The following MOSMO variants were observed in gnomAD, a reference collection of about 807,000 sequenced individuals.
MOSMO encodes modulator of smoothened, also known as modulator of smoothened protein.
A neutral mutation model predicts 18.4 loss-of-function variants in MOSMO; 5 were observed. The ratio of observed to expected loss-of-function variants is 0.27; its 90% CI spans 0.14 to 0.57. The LOEUF (loss-of-function observed/expected upper bound fraction) is 0.57, where lower values mean the gene tolerates loss of function less well. MOSMO is among the 20% of genes least tolerant of loss of function. MOSMO has a pLI of 0.92. For missense variants in MOSMO, 138 were observed against 211.8 expected (o/e 0.65, Z 2.16); for synonymous variants, 82 against 82.3 (o/e 1.00, Z 0.02).
At chr16:22,073,849 A>G (rs536403001) in intron 1 of MOSMO, among the ~76,000 whole-genome samples, 10 of 152,110 alleles carry the variant, frequency 6.6e-5, no homozygotes, top group African/African-American at 1.9e-4. Context: ...TGATAACCCC[A>G]TAAGTATAAT....
chr16:22,030,904 G>C (rs566168049), intron 1 of MOSMO, among the ~76,000 whole-genome samples: 1 of 152,240 alleles, frequency 6.6e-6, no homozygotes, highest in African/African-American at 2.4e-5. Flanking sequence ...TTTATGATTA[G>C]TTTATCCCAT....
At chr16:22,036,721 G>C (rs1405545280) in intron 1 of MOSMO, among the ~76,000 whole-genome samples, 1 of 152,120 alleles carries the variant, frequency 6.6e-6, no homozygotes, top group Non-Finnish European at 1.5e-5. Context: ...CAAAGCACTG[G>C]AATTACAGGT....
At chr16:22,074,202 A>G (rs749741613) in intron 1 of MOSMO, among the ~76,000 whole-genome samples, 5 of 152,068 alleles carry the variant, frequency 3.3e-5, no homozygotes, top group Non-Finnish European at 7.4e-5. Context: ...AGTTCCCTTC[A>G]CAGAAGACAT....
At chr16:22,049,816 T>G (rs1034399245) in intron 1 of MOSMO, among the ~76,000 whole-genome samples, 6 of 152,212 alleles carry the variant, frequency 3.9e-5, no homozygotes, top group Non-Finnish European at 8.8e-5. Flanking sequence ...TTATAAATGT[T>G]AAGCCAGTTA....
chr16:22,038,832 G>C (rs985813438), intron 1 of MOSMO, among the ~76,000 whole-genome samples: 7 of 152,190 alleles, frequency 4.6e-5, no homozygotes, highest in African/African-American at 1.7e-4. Context: ...TTATCCAGCA[G>C]AGTTTAGTAG....
At chr16:22,029,775 A>T (rs1899956472) in intron 1 of MOSMO, among the ~76,000 whole-genome samples, 1 of 152,088 alleles carries the variant, frequency 6.6e-6, no homozygotes, top group Non-Finnish European at 1.5e-5. Flanking sequence ...ACAGGCATGG[A>T]CACTACCATG....
At chr16:22,062,448 G>A (rs931367088) in intron 1 of MOSMO, among the ~76,000 whole-genome samples, 1 of 151,980 alleles carries the variant, frequency 6.6e-6, no homozygotes, top group African/African-American at 2.4e-5. Context: ...TCAGCCTCTT[G>A]AGTAGCTTGA....
At chr16:22,036,222 G>A (rs1900106158) in intron 1 of MOSMO, among the ~76,000 whole-genome samples, 1 of 152,052 alleles carries the variant, frequency 6.6e-6, no homozygotes, top group Admixed American at 6.5e-5. Flanking sequence ...GACATCCTGG[G>A]CCAAGTGATC....
intron 1 of MOSMO, among the ~76,000 whole-genome samples, chr16:22,057,818 C>G (rs139183929): frequency 6.6e-6 from 1 of 152,038 alleles, no homozygotes; most frequent in Non-Finnish European, 1.5e-5. Context: ...GACATGTAAA[C>G]TGGAAATGAA....
chr16:22,016,851 G>A (rs1051847514), intron 1 of MOSMO, among the ~76,000 whole-genome samples: 1 of 152,074 alleles, frequency 6.6e-6, no homozygotes, highest in African/African-American at 2.4e-5. Flanking sequence ...TCTCCTGTGG[G>A]TTAAAGAATA....
chr16:22,015,206 CT>C (rs1899612962), intron 1 of MOSMO, among the ~76,000 whole-genome samples: 1 of 151,980 alleles, frequency 6.6e-6, no homozygotes. Flanking sequence ...TTGTGACAGG[CT>C]TCTTAAACTT....
At chr16:22,072,292 C>T (rs1900870187) in intron 1 of MOSMO, among the ~76,000 whole-genome samples, 1 of 152,214 alleles carries the variant, frequency 6.6e-6, no homozygotes, top group East Asian at 1.9e-4. Flanking sequence ...GCACAGTTAG[C>T]CTTGCAAATT....
chr16:22,011,701 C>T (rs1307798328), intron 1 of MOSMO, among the ~76,000 whole-genome samples: 2 of 151,944 alleles, frequency 1.3e-5, no homozygotes, highest in Non-Finnish European at 2.9e-5. Context: ...TCCTTGCCAT[C>T]TCAGGATACC....
Position 22,080,909 on chromosome 16 carries a change from A to G in MOSMO, c.*29A>G, listed in dbSNP as rs1901065996. 9.0e-7 allele frequency: 1 copy of G among 1,116,382 alleles called. No individual in the cohort carries two copies. The highest frequency in any genetic ancestry group is 1.6e-5 in the African/African-American group (1 of 61,710). The allele number at this position is 1,116,382 out of a possible 1,614,324, so 69.2% of individuals were successfully genotyped here. ...ATGTCTAAATTGCTTGACTCTTATT[A>G]TTTTTTATTTTATTTTATTTTTTTA... On this transcript the variant is annotated 3_prime_UTR_variant, in exon 3 of 3. Transcript: ENST00000542527.
intron 1 of MOSMO, among the ~76,000 whole-genome samples, chr16:22,016,912 G>A (rs1479097751): frequency 6.6e-6 from 1 of 152,134 alleles, no homozygotes; most frequent in Non-Finnish European, 1.5e-5. Flanking sequence ...TAGTTTTAAA[G>A]GAATTTAAGA....
At chr16:22,058,901 A>G (rs187891767) in intron 1 of MOSMO, among the ~76,000 whole-genome samples, 1 of 152,316 alleles carries the variant, frequency 6.6e-6, no homozygotes, top group Admixed American at 6.5e-5. Flanking sequence ...TTGCCTAGGA[A>G]GAATATGGAG....
chr16:22,070,999 T>A (rs1900838626), intron 1 of MOSMO, among the ~76,000 whole-genome samples: 1 of 152,222 alleles, frequency 6.6e-6, no homozygotes, highest in African/African-American at 2.4e-5. Flanking sequence ...TCAGTTCAAT[T>A]GGGATACTAC....
chr16:22,013,102 C>G (rs1899566176), intron 1 of MOSMO, among the ~76,000 whole-genome samples: 1 of 152,154 alleles, frequency 6.6e-6, no homozygotes, highest in African/African-American at 2.4e-5. Context: ...GTTACTGGAA[C>G]TCAACACCAA....
In MOSMO at chr16:22,008,425, C is replaced by G. The variant is rs1899437790; in HGVS notation, c.106+18C>G. The stretch of plus-strand genomic sequence containing the variant: ...GTCTGCGGGTGAGCCGCTGGCGCGC[C>G]GGGCCGGGCGGGGGATTGGCTGAGG... On this transcript the variant is annotated intron_variant, in intron 1 of 2. Transcript: ENST00000542527. 1.3e-6 allele frequency: 2 copies of G among 1,510,232 alleles called. No individual in the cohort carries two copies. Among genetic ancestry groups the G allele is most frequent in the Admixed American group, 2.0e-5 (1 of 50,716 alleles). 93.6% of individuals were successfully genotyped at this position (1,510,232 alleles called of 1,614,324 possible).
Sources: allele counts gnomAD v4.1 joint callset (sites outside exome capture counted in the v4.1 genomes callset), GRCh38; gene constraint gnomAD v4.1.1; transcripts MANE v1.5; gene names NCBI Gene and HGNC (gene_info 2026-07-23, HGNC 2026-07-21).